YPEL1: variants seen among roughly 807,000 people sequenced by gnomAD.
YPEL1 encodes the protein protein yippee-like 1.
Under a neutral mutation model 17.3 loss-of-function variants are expected in YPEL1, and 7 were observed. The observed-to-expected ratio is 0.40, with a 90% CI of 0.23 to 0.76. The LOEUF is 0.76. YPEL1 is among the 30% of genes least tolerant of loss of function. YPEL1 has a pLI of 0.35. For missense variants in YPEL1, 91 were observed against 155.5 expected (o/e 0.59, Z 2.21); for synonymous variants, 59 against 59.6 (o/e 0.99, Z 0.05).
intron 1 of YPEL1, among the ~76,000 whole-genome samples, chr22:21,733,955 C>T (rs915159422): frequency 1.3e-5 from 2 of 152,120 alleles, no homozygotes; most frequent in Non-Finnish European, 2.9e-5. Flanking sequence ...CAGCTCAAGC[C>T]TGTAATCCCA....
intron 1 of YPEL1, among the ~76,000 whole-genome samples, chr22:21,717,202 C>T (rs1322417808): frequency 6.6e-6 from 1 of 151,896 alleles, no homozygotes; most frequent in Non-Finnish European, 1.5e-5. Flanking sequence ...ACGGTGAAAC[C>T]CCGTCTCTAC....
chr22:21,728,355 G>A (rs1167713062), intron 1 of YPEL1, among the ~76,000 whole-genome samples: 4 of 152,160 alleles, frequency 2.6e-5, no homozygotes, highest in Non-Finnish European at 4.4e-5. Context: ...CCGCCATCAC[G>A]GAGGGAATGG....
At chr22:21,719,141 G>C (rs1050754266) in intron 1 of YPEL1, among the ~76,000 whole-genome samples, 1 of 152,090 alleles carries the variant, frequency 6.6e-6, no homozygotes, top group Non-Finnish European at 1.5e-5. Context: ...GGAGGTCATG[G>C]GGACAGGTAT....
intron 1 of YPEL1, among the ~76,000 whole-genome samples, chr22:21,717,376 C>CAAAAAAA (rs751720152): frequency 1.6e-5 from 1 of 61,482 alleles, no homozygotes; most frequent in Non-Finnish European, 3.6e-5. Context: ...TAGTCCGTCT[C>CAAAAAAA]AAAAAAAAAA....
At position 21,703,057 on chromosome 22, in the gene YPEL1, TC is replaced by T. The variant is rs1849910912; in HGVS notation, c.270+312del. On this transcript the variant is annotated intron_variant, in intron 4 of 4. Coordinates refer to ENST00000339468, the MANE Select transcript of YPEL1 (RefSeq NM_013313.5). This position sits in a 1 kb window ranked among gnomAD's most constrained non-coding sequence, Gnocchi z 6.1. ...GCCCCCTGCAGCCTCCTCGGCCTCC[TC>T]CCACACCAGGCTCTGCTCAGCGGGC... 6.6e-6 allele frequency among the ~76,000 whole-genome samples: 1 copy of T among 152,188 alleles called. No individual in the cohort carries two copies. The highest frequency in any genetic ancestry group is 1.5e-5 in the Non-Finnish European group (1 of 68,028).
rs1257333202 is a variant in YPEL1, at chr22:21,700,147, TTAAG to T, written c.*978_*981del. The T allele has an allele frequency of 6.6e-6, 1 of 152,310 alleles. No homozygotes were observed. Among genetic ancestry groups the T allele is most frequent in the East Asian group, 1.9e-4 (1 of 5,344 alleles). The allele number at this position is 152,310 out of a possible 1,614,324, so 9.4% of individuals were successfully genotyped here. A position where few individuals can be genotyped will look rare whatever the true frequency, so the allele number is the denominator to read the frequency against. Reference sequence around the variant, plus strand: ...GAAGATTCTTAAATAACACTGTACTTTAAGGGTTCATTTGCAAGAGGAATAGCCA... The same window carrying T: ...GAAGATTCTTAAATAACACTGTACTTGGTTCATTTGCAAGAGGAATAGCCA... On this transcript the variant is annotated 3_prime_UTR_variant, in exon 5 of 5. Coordinates refer to ENST00000339468, the MANE Select transcript of YPEL1 (RefSeq NM_013313.5).
At chr22:21,715,266 G>A (rs770428786) in intron 1 of YPEL1, among the ~76,000 whole-genome samples, 3 of 152,058 alleles carry the variant, frequency 2.0e-5, no homozygotes, top group Non-Finnish European at 4.4e-5. Context: ...AGGCTGAGGC[G>A]GGCAGATCGC....
At chr22:21,729,635 T>C (rs181556412) in intron 1 of YPEL1, among the ~76,000 whole-genome samples, 10 of 152,108 alleles carry the variant, frequency 6.6e-5, no homozygotes, top group African/African-American at 2.2e-4. Flanking sequence ...TTTAAGAAGT[T>C]GACAACACCA....
intron 1 of YPEL1, among the ~76,000 whole-genome samples, chr22:21,721,425 C>CT (rs55953362): frequency 0.026 from 3,946 of 149,382 alleles, 118 homozygotes; most frequent in African/African-American, 0.067. Flanking sequence ...GCCTTTTTTT[C>CT]TTTTTTTTTT....
rs2068052290 is a variant in YPEL1, at chr22:21,700,302, C to T, written c.*827G>A. The T allele has an allele frequency of 6.6e-6, 1 of 152,202 alleles. No homozygotes were observed. The highest frequency in any genetic ancestry group is 2.4e-5 in the African/African-American group (1 of 41,446). 9.4% of individuals were successfully genotyped at this position (152,202 alleles called of 1,614,324 possible). ...ACCCTGTCCCTGTGGTCTTCAGAGA[C>T]TCAGTCTGGTTCTCTCTTGTTTTAA... On this transcript the variant is annotated 3_prime_UTR_variant, in exon 5 of 5. Transcript: ENST00000339468.
chr22:21,720,586 G>A (rs2068271604), intron 1 of YPEL1, among the ~76,000 whole-genome samples: 1 of 152,118 alleles, frequency 6.6e-6, no homozygotes, highest in Non-Finnish European at 1.5e-5. Flanking sequence ...CACCTCCTGG[G>A]TTCAAGCAAT....
In YPEL1 at chr22:21,714,479, C is replaced by T. The variant is rs1282706142; in HGVS notation, c.-164-3571G>A. 2.0e-5 allele frequency among the ~76,000 whole-genome samples: 3 copies of T among 152,328 alleles called. No homozygotes were observed. In the East Asian group the frequency reaches 5.8e-4, roughly 29 times the overall value. On this transcript the variant is annotated intron_variant, in intron 1 of 4. Transcript: ENST00000339468. Reference sequence around the variant, plus strand: ...CTCTGCTGACGTGCAGCCAAGTCTGCCTCTGTCCCCATGTGCAGCTGGGCC... The same window carrying T: ...CTCTGCTGACGTGCAGCCAAGTCTGTCTCTGTCCCCATGTGCAGCTGGGCC...
At chr22:21,708,814 G>A (rs953461771) in intron 2 of YPEL1, among the ~76,000 whole-genome samples, 2 of 151,776 alleles carry the variant, frequency 1.3e-5, no homozygotes, top group African/African-American at 2.4e-5. Flanking sequence ...TTACAGGCAT[G>A]TGCCACCACA....
chr22:21,702,737 C>T (rs1373917813), intron 4 of YPEL1, among the ~76,000 whole-genome samples: 2 of 152,120 alleles, frequency 1.3e-5, no homozygotes, highest in East Asian at 3.9e-4. Flanking sequence ...GACTCGGCCA[C>T]GAAGGTCAGA....
chr22:21,735,411 T>C (rs751680923), intron 1 of YPEL1, among the ~76,000 whole-genome samples: 31 of 152,076 alleles, frequency 2.0e-4, no homozygotes, highest in Non-Finnish European at 3.4e-4. Context: ...TTAGGCGTTG[T>C]TGTCTGTGCC....
intron 1 of YPEL1, among the ~76,000 whole-genome samples, chr22:21,718,073 A>G (rs1010069638): frequency 6.7e-6 from 1 of 149,816 alleles, no homozygotes; most frequent in Non-Finnish European, 1.5e-5. Flanking sequence ...CGAGGCTGCA[A>G]TGAGCAGAGA....
intron 1 of YPEL1, among the ~76,000 whole-genome samples, chr22:21,733,690 C>A (rs1166352915): frequency 6.6e-6 from 1 of 152,096 alleles, no homozygotes; most frequent in Non-Finnish European, 1.5e-5. Context: ...CCATTATACT[C>A]CAGCCTGGGT....
At chr22:21,717,703 G>A (rs1286118989) in intron 1 of YPEL1, among the ~76,000 whole-genome samples, 1 of 152,194 alleles carries the variant, frequency 6.6e-6, no homozygotes, top group Non-Finnish European at 1.5e-5. Context: ...AAGGAAAAAT[G>A]ACCTGTTCAA....
chr22:21,723,148 T>C (rs781401890), intron 1 of YPEL1: 21 of 151,814 alleles, frequency 1.4e-4, no homozygotes, highest in Non-Finnish European at 2.4e-4. Flanking sequence ...GCCTCCCGAG[T>C]TGCTGGGACT....
Sources: allele counts gnomAD v4.1 joint callset (sites outside exome capture counted in the v4.1 genomes callset), GRCh38; gene constraint gnomAD v4.1.1; non-coding constraint Gnocchi (gnomAD v3.1); transcripts MANE v1.5; gene names NCBI Gene and HGNC (gene_info 2026-07-23, HGNC 2026-07-21).